The following EFR3B variants were observed in gnomAD, a reference collection of about 807,000 sequenced individuals.
EFR3B encodes EFR3 homolog B.
EFR3B carries 64 observed loss-of-function variants against 104.7 expected under a neutral mutation model. The observed-to-expected ratio is 0.61, with a 90% CI of 0.50 to 0.75. EFR3B has a LOEUF of 0.75. EFR3B is among the 30% of genes least tolerant of loss of function. EFR3B has a pLI of 0.00. For missense variants in EFR3B, 750 were observed against 1,078.5 expected (o/e 0.70, Z 4.27); for synonymous variants, 385 against 417.9 (o/e 0.92, Z 0.96).
chr2:25,135,721 A>T, intron 13 of EFR3B, 82 bp downstream of exon 13: 1 of 1,470,232 alleles, frequency 6.8e-7, no homozygotes, highest in Non-Finnish European at 9.2e-7. Flanking sequence ...TCCTGTCCTC[A>T]CACCCAGGTT....
Position 25,136,741 on chromosome 2 carries a change from T to C in EFR3B, c.1560+143T>C. The C allele has an allele frequency of 1.5e-6, 1 of 675,094 alleles. No homozygotes were observed. Among genetic ancestry groups the C allele is most frequent in the Non-Finnish European group, 2.5e-6 (1 of 399,234 alleles). 41.8% of individuals were successfully genotyped at this position (675,094 alleles called of 1,614,324 possible). A position where few individuals can be genotyped will look rare whatever the true frequency, so the allele number is the denominator to read the frequency against. ...GACCAGCCAGACCAACATGGTAAAA[T>C]CCCATCTTTACTAAAGCTACAAAAA... On this transcript the variant is annotated intron_variant, in intron 14 of 22. Coordinates refer to ENST00000403714, the MANE Select transcript of EFR3B (RefSeq NM_014971.2). The surrounding 1 kb of genome is among the most constrained non-coding windows in gnomAD (Gnocchi z 4.0).
chr2:25,115,467 A>G lies in EFR3B; in HGVS notation c.364-6206A>G, dbSNP rs531068161. On this transcript the variant is annotated intron_variant, in intron 4 of 22. Coordinates refer to ENST00000403714, the MANE Select transcript of EFR3B (RefSeq NM_014971.2). ...TTCATCTCTCTAATGGGAGCAACAC[A>G]TGTTCTGCTAAACTCACTAGTTTGC... Among the ~76,000 whole-genome samples the G allele has an allele frequency of 1.6e-4, 25 of 152,320 alleles. No homozygotes were observed. The South Asian group carries it at 5.0e-3, about 30-fold the overall frequency.
chr2:25,066,932 G>A (rs199702687), intron 1 of EFR3B, among the ~76,000 whole-genome samples: 1 of 152,278 alleles, frequency 6.6e-6, no homozygotes, highest in East Asian at 1.9e-4. Flanking sequence ...AATCTTTAAA[G>A]ACAACTTTTG....
rs1283700433 is a variant in EFR3B, at chr2:25,081,317, T to C, written c.8-10008T>C. The C allele has an allele frequency of 4.4e-6, 4 of 914,452 alleles. No individual in the cohort carries two copies. The Admixed American group carries it at 8.0e-5, about 18-fold the overall frequency. 56.6% of individuals were successfully genotyped at this position (914,452 alleles called of 1,614,324 possible). A position where few individuals can be genotyped will look rare whatever the true frequency, so the allele number is the denominator to read the frequency against. Reference sequence around the variant, plus strand: ...CTGAAACCTGCGCCTTCATCTCAACTTCTTTTGAACCTGCTTCTTACTACT... The same window carrying C: ...CTGAAACCTGCGCCTTCATCTCAACCTCTTTTGAACCTGCTTCTTACTACT... On this transcript the variant is annotated intron_variant, in intron 1 of 22. Coordinates refer to ENST00000403714, the MANE Select transcript of EFR3B (RefSeq NM_014971.2).
intron 3 of EFR3B, among the ~76,000 whole-genome samples, chr2:25,093,457 GC>G (rs1309352083): frequency 6.6e-6 from 1 of 151,890 alleles, no homozygotes; most frequent in Admixed American, 6.6e-5. Flanking sequence ...TTGTGCCACT[GC>G]ATTCCAACAT....
intron 3 of EFR3B, among the ~76,000 whole-genome samples, chr2:25,102,597 A>G (rs1014966206): frequency 6.6e-6 from 1 of 151,964 alleles, no homozygotes; most frequent in Admixed American, 6.6e-5. Context: ...AACCGCCCCC[A>G]TGATTCAATT....
At chr2:25,081,753 G>C (rs949482827) in intron 1 of EFR3B, 4 of 439,332 alleles carry the variant, frequency 9.1e-6, no homozygotes, top group African/African-American at 8.1e-5. Flanking sequence ...AATTTTTTTA[G>C]ATTTTAAAAT....
At chr2:25,055,739 G>A (rs959302888) in intron 1 of EFR3B, among the ~76,000 whole-genome samples, 2 of 151,626 alleles carry the variant, frequency 1.3e-5, no homozygotes, top group African/African-American at 4.9e-5. Flanking sequence ...TACAATGAAG[G>A]GATGCATTCC....
rs1194158991 is a variant in EFR3B at position 25,130,983 on chromosome 2, T to C, written c.849+353T>C. On this transcript the variant is annotated intron_variant, in intron 8 of 22. Transcript: ENST00000403714. This position sits in a 1 kb window ranked among gnomAD's most constrained non-coding sequence, Gnocchi z 4.6. ...CCATCCTTATCTCAGTGTAAACCAA[T>C]ATCAGACCTATCTTGAATGGGCACC... Among the ~76,000 whole-genome samples the C allele has an allele frequency of 6.6e-6, 1 of 152,266 alleles. No homozygotes were observed. Among genetic ancestry groups the C allele is most frequent in the Non-Finnish European group, 1.5e-5 (1 of 68,052 alleles).
At chr2:25,094,552 A>G (rs137871379) in intron 3 of EFR3B, among the ~76,000 whole-genome samples, 3,652 of 152,224 alleles carry the variant, frequency 0.024, 69 homozygotes, top group Non-Finnish European at 0.034. Flanking sequence ...AAATACTAAG[A>G]TGCTAACTTA....
intron 2 of EFR3B, among the ~76,000 whole-genome samples, chr2:25,092,289 C>T (rs1277858548): frequency 2.6e-5 from 4 of 151,466 alleles, no homozygotes; most frequent in African/African-American, 9.7e-5. Context: ...AGGATGGTCT[C>T]GATATCCTGA....
chr2:25,128,215 G>C lies in EFR3B; in HGVS notation c.518G>C (p.Gly173Ala), dbSNP rs1194253917. The stretch of plus-strand genomic sequence containing the variant: ...ATGTCAGGCATCAAAGGCCTGCAAG[G>C]GGTGGTGAGGAAGACGGTGAATGAT... ...IRMSGIKGLQ[G>A]VVRKTVNDEL... The change falls in exon 6 of 23, where the codon GGG becomes GCG. Residue 173 changes from glycine to alanine, a missense_variant. Coordinates refer to ENST00000403714, the MANE Select transcript of EFR3B (RefSeq NM_014971.2). The C allele has an allele frequency of 6.4e-7, 1 of 1,551,778 alleles. No individual in the cohort carries two copies.
chr2:25,046,039 C>G (rs143449477), intron 1 of EFR3B, among the ~76,000 whole-genome samples: 34 of 152,262 alleles, frequency 2.2e-4, no homozygotes, highest in African/African-American at 8.2e-4. Flanking sequence ...CCTCTCGTCC[C>G]GCTTAGTGGT....
intron 2 of EFR3B, among the ~76,000 whole-genome samples, chr2:25,091,798 C>T (rs1318936179): frequency 1.3e-5 from 2 of 152,184 alleles, no homozygotes; most frequent in African/African-American, 4.8e-5. Flanking sequence ...CTCAGGAGCC[C>T]AGGTCTTTCC....
chr2:25,057,005 G>C (rs1463408363), intron 1 of EFR3B, among the ~76,000 whole-genome samples: 1 of 152,152 alleles, frequency 6.6e-6, no homozygotes, highest in Non-Finnish European at 1.5e-5. Context: ...GGGCTGGAAG[G>C]GTTTTCCAGC....
chr2:25,063,612 A>G (rs1180261034), intron 1 of EFR3B, among the ~76,000 whole-genome samples: 1 of 152,226 alleles, frequency 6.6e-6, no homozygotes, highest in East Asian at 1.9e-4. Context: ...AATGGAGACG[A>G]TAGACCCCAC....
intron 4 of EFR3B, among the ~76,000 whole-genome samples, chr2:25,109,095 G>C (rs1490645073): frequency 6.6e-6 from 1 of 151,628 alleles, no homozygotes; most frequent in Non-Finnish European, 1.5e-5. Context: ...CACAGAAAGG[G>C]AGAAAATATT....
intron 1 of EFR3B, chr2:25,081,319 C>T: frequency 2.2e-6 from 2 of 905,884 alleles, no homozygotes. Flanking sequence ...ATCTCAACTT[C>T]TTTTGAACCT....
chr2:25,081,693 CGAGTGAGACCCATTCCCT>C, intron 1 of EFR3B: 1 of 540,754 alleles, frequency 1.8e-6, no homozygotes, highest in Non-Finnish European at 3.2e-6. Flanking sequence ...CTGCCATTTC[CGAGTGAGACCCATTCCCT>C]TGGTACCGCC....
Sources: gnomAD v4.1 joint callset for allele counts (sites outside exome capture counted in the v4.1 genomes callset) on GRCh38, gnomAD v4.1.1 for gene constraint, Gnocchi (gnomAD v3.1) non-coding constraint, MANE v1.5 for transcripts, NCBI Gene and HGNC (gene_info 2026-07-23, HGNC 2026-07-21) for gene names.